Variants in DISP1 observed in about 807,000 individuals in gnomAD.
DISP1 encodes the protein dispatched RND transporter family member 1.
A neutral mutation model predicts 37.3 loss-of-function variants in DISP1; 30 were observed. That is an observed-to-expected ratio of 0.80 (90% confidence interval 0.60 to 1.09). DISP1 has a LOEUF of 1.09. Ranked by LOEUF, DISP1 falls within the 50% of genes least tolerant of loss-of-function variation. The pLI, the probability that DISP1 is intolerant of heterozygous loss-of-function variation, is 0.00. For synonymous variants in DISP1, 634 were observed against 690.2 expected, an observed-to-expected ratio of 0.92 and a Z score of 1.28; for missense variants, 1,598 against 1,879.5, an observed-to-expected ratio of 0.85 and a Z score of 2.77.
At chr1:222,834,566 C>G (rs960970490) in intron 1 of DISP1, among the ~76,000 whole-genome samples, 1 of 152,250 alleles carries the variant, frequency 6.6e-6, no homozygotes, top group South Asian at 2.1e-4. Context: ...CTGTCACAGA[C>G]AGGTAGGGCA....
intron 1 of DISP1, among the ~76,000 whole-genome samples, chr1:222,836,387 T>C (rs1004403817): frequency 1.3e-5 from 2 of 152,180 alleles, no homozygotes; most frequent in African/African-American, 4.8e-5. Context: ...TTCTTATCAT[T>C]TGGAAGAAAA....
At chr1:222,997,048 C>CTATA (rs1019275195) in intron 8 of DISP1, among the ~76,000 whole-genome samples, 26 of 148,176 alleles carry the variant, frequency 1.8e-4, no homozygotes, top group South Asian at 4.3e-4. Flanking sequence ...CTCTCTCTCT[C>CTATA]TCTATATATA....
At chr1:222,873,758 A>C (rs1314256644) in intron 1 of DISP1, among the ~76,000 whole-genome samples, 1 of 152,146 alleles carries the variant, frequency 6.6e-6, no homozygotes, top group East Asian at 1.9e-4. Flanking sequence ...TAATTGGAGC[A>C]TTTAGCCCAT....
At chr1:222,898,203 A>G (rs1197350693) in intron 1 of DISP1, among the ~76,000 whole-genome samples, 1 of 152,188 alleles carries the variant, frequency 6.6e-6, no homozygotes, top group Non-Finnish European at 1.5e-5. Context: ...TTTGGGGTGG[A>G]AAAAGCCTGC....
rs949420361 is a variant in DISP1, at chr1:222,893,173, C to A, written c.-158-35257C>A. Among the ~76,000 whole-genome samples the A allele has an allele frequency of 6.6e-6, 1 of 152,110 alleles. No individual in the cohort carries two copies. The highest frequency in any genetic ancestry group is 2.4e-5 in the African/African-American group (1 of 41,402). On this transcript the variant is annotated intron_variant, in intron 1 of 8. Coordinates refer to ENST00000675850, the MANE Select transcript of DISP1 (RefSeq NM_001377229.1). This position sits in a 1 kb window ranked among gnomAD's most constrained non-coding sequence, Gnocchi z 4.3. ...AATATATTGGTTGATAATTATAAAC[C>A]ATGCCTTTATTATTAAATCTTTTGT... is the stretch of plus-strand genomic sequence containing the variant.
intron 1 of DISP1, among the ~76,000 whole-genome samples, chr1:222,894,659 G>A (rs772477874): frequency 6.6e-6 from 1 of 152,186 alleles, no homozygotes; most frequent in South Asian, 2.1e-4. Flanking sequence ...GCCATGGCTG[G>A]GTGGCTGTAG....
intron 1 of DISP1, among the ~76,000 whole-genome samples, chr1:222,882,622 T>A (rs1283262721): frequency 6.6e-6 from 1 of 152,224 alleles, no homozygotes; most frequent in Non-Finnish European, 1.5e-5. Context: ...GTATGTTTCC[T>A]TTGTTCCAGT....
intron 2 of DISP1, 140 bp from the exon 3 acceptor site, chr1:222,942,667 G>C: frequency 1.1e-6 from 1 of 928,074 alleles, no homozygotes; most frequent in Non-Finnish European, 1.7e-6. Context: ...CATCACAGAT[G>C]CTGCGGAATT....
chr1:222,909,305 A>G (rs1672083120), intron 1 of DISP1, among the ~76,000 whole-genome samples: 1 of 152,204 alleles, frequency 6.6e-6, no homozygotes, highest in South Asian at 2.1e-4. Flanking sequence ...TGGTTGCCTT[A>G]AAATTGTAAC....
intron 1 of DISP1, among the ~76,000 whole-genome samples, chr1:222,881,854 T>C (rs1670303442): frequency 6.6e-6 from 1 of 152,216 alleles, no homozygotes; most frequent in Non-Finnish European, 1.5e-5. Context: ...CTAAAAAGAA[T>C]GGGCCAAAAC....
chr1:222,859,712 A>G (rs1278692067), intron 1 of DISP1, among the ~76,000 whole-genome samples: 1 of 152,200 alleles, frequency 6.6e-6, no homozygotes, highest in African/African-American at 2.4e-5. Context: ...GTGGAGATGT[A>G]AAATAAAAGA....
At chr1:222,847,542 C>T (rs900535072) in intron 1 of DISP1, among the ~76,000 whole-genome samples, 5 of 152,182 alleles carry the variant, frequency 3.3e-5, no homozygotes, top group Admixed American at 3.3e-4. Context: ...ATCAAACCAT[C>T]TTTATAAATA....
At chr1:222,982,833 T>C (rs1294707977) in intron 3 of DISP1, among the ~76,000 whole-genome samples, 1 of 152,102 alleles carries the variant, frequency 6.6e-6, no homozygotes, top group East Asian at 1.9e-4. Flanking sequence ...GAGAGGGTGA[T>C]ACGGAGTCTG....
chr1:222,995,047 A>G, intron 8 of DISP1, 65 bp downstream of exon 8: 1 of 1,296,234 alleles, frequency 7.7e-7, no homozygotes, highest in Non-Finnish European at 1.1e-6. Flanking sequence ...AACTCCTTTT[A>G]CTGCTGACCC....
At chr1:222,848,705 C>T (rs753567354) in intron 1 of DISP1, among the ~76,000 whole-genome samples, 47 of 152,158 alleles carry the variant, frequency 3.1e-4, no homozygotes, top group African/African-American at 7.9e-4. Context: ...TAATATCTAC[C>T]GTGAGCAGCT....
chr1:222,820,392 G>A (rs964310178), intron 1 of DISP1, among the ~76,000 whole-genome samples: 1 of 152,162 alleles, frequency 6.6e-6, no homozygotes, highest in Non-Finnish European at 1.5e-5. Context: ...GATTCACAGG[G>A]GATATTTGAA....
chr1:222,921,320 A>G (rs1672797021), intron 1 of DISP1, among the ~76,000 whole-genome samples: 1 of 152,200 alleles, frequency 6.6e-6, no homozygotes. Context: ...AAAAACAAAA[A>G]AGAAAAAAAG....
intron 1 of DISP1, among the ~76,000 whole-genome samples, chr1:222,874,754 C>G (rs1669858981): frequency 6.6e-6 from 1 of 152,200 alleles, no homozygotes; most frequent in Non-Finnish European, 1.5e-5. Flanking sequence ...CTTCCTCTCT[C>G]AACTCGTCAA....
intron 1 of DISP1, among the ~76,000 whole-genome samples, chr1:222,866,574 A>T (rs1300264252): frequency 2.0e-5 from 3 of 151,936 alleles, no homozygotes; most frequent in Admixed American, 6.6e-5. Context: ...CGAACTCCTG[A>T]CCTTGTGATC....
Sources: gnomAD v4.1 joint callset for allele counts (sites outside exome capture counted in the v4.1 genomes callset) on GRCh38, gnomAD v4.1.1 for gene constraint, Gnocchi (gnomAD v3.1) non-coding constraint, MANE v1.5 for transcripts, NCBI Gene and HGNC (gene_info 2026-07-23, HGNC 2026-07-21) for gene names.